Variants in PPP2R2D observed in about 807,000 individuals in gnomAD.
PPP2R2D encodes serine/threonine-protein phosphatase 2A 55 kDa regulatory subunit B delta isoform.
In PPP2R2D, 9 loss-of-function variants were observed where a neutral mutation model predicts 31.1. The ratio of observed to expected loss-of-function variants is 0.29; its 90% CI spans 0.17 to 0.51. The LOEUF (loss-of-function observed/expected upper bound fraction) is 0.51. Ranked by LOEUF, PPP2R2D falls within the 20% of genes least tolerant of loss-of-function variation. The pLI, the probability that PPP2R2D is intolerant of heterozygous loss-of-function variation, is 0.98. For missense variants in PPP2R2D, 391 were observed against 465.6 expected, an observed-to-expected ratio of 0.84 and a Z score of 1.48; for synonymous variants, 179 against 172.6, an observed-to-expected ratio of 1.04 and a Z score of -0.29.
At chr10:131,951,368 A>G (rs949630318) in intron 8 of PPP2R2D, among the ~76,000 whole-genome samples, 2 of 152,268 alleles carry the variant, frequency 1.3e-5, no homozygotes, top group Non-Finnish European at 2.9e-5. Context: ...GTTCTCTATC[A>G]TAACATATAC....
intron 8 of PPP2R2D, among the ~76,000 whole-genome samples, chr10:131,951,114 T>G (rs182277715): frequency 1.2e-4 from 18 of 152,286 alleles, no homozygotes; most frequent in Admixed American, 8.5e-4. Context: ...CTCATCCTTC[T>G]TAGTGATCAG....
chr10:131,907,004 C>T (rs894085189), intron 2 of PPP2R2D, among the ~76,000 whole-genome samples: 4 of 151,548 alleles, frequency 2.6e-5, no homozygotes, highest in East Asian at 3.9e-4. Context: ...TTAGGTGTGT[C>T]TTTTATATAT....
In PPP2R2D at chr10:131,907,413, C is replaced by A. The variant is rs934198603; in HGVS notation, c.100+6083C>A. The stretch of plus-strand genomic sequence containing the variant: ...TGACTTATGAGAGCTTCATAGGAAG[C>A]CTCTGCCTTTAGGAAGTCAGTTGTA... On this transcript the variant is annotated intron_variant, in intron 2 of 8. Coordinates refer to ENST00000455566, the MANE Select transcript of PPP2R2D (RefSeq NM_018461.5). 5.7e-4 allele frequency among the ~76,000 whole-genome samples: 87 copies of A among 152,288 alleles called. No individual in the cohort carries two copies. The East Asian group carries it at 0.016, about 27-fold the overall frequency.
chr10:131,909,668 G>A (rs1490670933), intron 2 of PPP2R2D, among the ~76,000 whole-genome samples: 1 of 152,200 alleles, frequency 6.6e-6, no homozygotes, highest in Non-Finnish European at 1.5e-5. Flanking sequence ...CGCCCAGGTT[G>A]TGGTTTGCTA....
chr10:131,959,587 AAC>A lies in PPP2R2D; in HGVS notation c.*3628_*3629del, dbSNP rs1235063674. ...TCCGTCATTACCCTGAATCAATGCT[AAC>A]ACAGTGCCACTTGAGTTCACATTAA... is the stretch of plus-strand genomic sequence containing the variant. On this transcript the variant is annotated 3_prime_UTR_variant, in exon 9 of 9. Coordinates refer to ENST00000455566, the MANE Select transcript of PPP2R2D (RefSeq NM_018461.5). 2.6e-5 allele frequency: 4 copies of A among 153,812 alleles called. No individual in the cohort carries two copies. The highest frequency in any genetic ancestry group is 7.2e-5 in the African/African-American group (3 of 41,580). The allele number at this position is 153,812 out of a possible 1,614,324, so 9.5% of individuals were successfully genotyped here.
chr10:131,954,069 G>A (rs1488289950), intron 8 of PPP2R2D, among the ~76,000 whole-genome samples: 3 of 152,128 alleles, frequency 2.0e-5, no homozygotes, highest in East Asian at 3.9e-4. Flanking sequence ...GTTCTAGGTC[G>A]CCCCACAGAA....
At position 131,927,124 on chromosome 10, in the gene PPP2R2D, C is replaced by T. The variant is rs2036122328; in HGVS notation, c.101-7334C>T. On this transcript the variant is annotated intron_variant, in intron 2 of 8. Transcript: ENST00000455566. ...GATTATGGCTGTTCTCTTTTGGGTT[C>T]TTCTGTTTTTCATGAAATAAGCAGA... is the stretch of plus-strand genomic sequence containing the variant. Among the ~76,000 whole-genome samples, 3 of 152,060 alleles carry T rather than the reference C, an allele frequency of 2.0e-5. No homozygotes were observed. In the East Asian group the frequency reaches 5.8e-4, roughly 29 times the overall value.
At position 131,934,535 on chromosome 10, in the gene PPP2R2D, A is replaced by G. The variant is rs773469374; in HGVS notation, c.178A>G (p.Ile60Val). ...ATGDKGGRVV[I>V]FQREQENKSR... is the part of the protein sequence containing the mutation. ...AGGAGACAAGGGCGGCAGAGTTGTT[A>G]TTTTTCAGCGTGAACAAGAGGTCAG... Residue 60 changes from isoleucine to valine, a missense_variant, in exon 3 of 9, where the codon ATT (isoleucine) becomes GTT (valine). Transcript: ENST00000455566. 1.7e-5 allele frequency: 13 copies of G among 779,848 alleles called. No homozygotes were observed. The highest frequency in any genetic ancestry group is 3.1e-5 in the Non-Finnish European group (13 of 417,788). 48.3% of individuals were successfully genotyped at this position (779,848 alleles called of 1,614,324 possible). A position where few individuals can be genotyped will look rare whatever the true frequency, so the allele number is the denominator to read the frequency against.
chr10:131,949,459 T>G (rs1358376998), intron 8 of PPP2R2D, among the ~76,000 whole-genome samples: 1 of 152,090 alleles, frequency 6.6e-6, no homozygotes, highest in Non-Finnish European at 1.5e-5. Context: ...CTCTCTGGAT[T>G]TCGTCACATT....
chr10:131,970,356 T>C, the PPP2R2D span: 11 of 489,356 alleles, frequency 2.2e-5, no homozygotes, highest in Non-Finnish European at 4.0e-5. The surrounding 1 kb of genome is among the most constrained non-coding windows in gnomAD (Gnocchi z 4.1). Flanking sequence ...GACAAAGAGG[T>C]CAGACCTAAG....
chr10:131,949,419 G>C (rs1554898529), intron 8 of PPP2R2D, among the ~76,000 whole-genome samples: 1 of 152,204 alleles, frequency 6.6e-6, no homozygotes, highest in African/African-American at 2.4e-5. Context: ...GAACACGCAT[G>C]CTGGGTAGCT....
In PPP2R2D at chr10:131,940,208, G is replaced by T. The variant is rs782566031; in HGVS notation, c.364+12G>T. ...ACTGTCTACAAATGGTAAGAATTGT[G>T]TTCTAAGTGGCTGTTTGATTTAGTT... is the stretch of plus-strand genomic sequence containing the variant. On this transcript the variant is annotated intron_variant, in intron 4 of 8. Transcript: ENST00000455566. 7 of 690,904 alleles carry T rather than the reference G, an allele frequency of 1.0e-5. No individual in the cohort carries two copies. Among genetic ancestry groups the T allele is most frequent in the Admixed American group, 6.9e-5 (3 of 43,686 alleles). 42.8% of individuals were successfully genotyped at this position (690,904 alleles called of 1,614,324 possible). A position where few individuals can be genotyped will look rare whatever the true frequency, so the allele number is the denominator to read the frequency against.
the PPP2R2D span, chr10:131,970,883 G>C: frequency 6.2e-7 from 1 of 1,614,190 alleles, no homozygotes; most frequent in Non-Finnish European, 8.5e-7. The surrounding 1 kb of genome is among the most constrained non-coding windows in gnomAD (Gnocchi z 4.1). Flanking sequence ...ATATTTTCCG[G>C]CCGACTTGAC....
chr10:131,960,224 C>T (rs977798695), downstream of PPP2R2D, among the ~76,000 whole-genome samples: 3 of 152,188 alleles, frequency 2.0e-5, no homozygotes, highest in Non-Finnish European at 4.4e-5. Context: ...GAAGACGTGC[C>T]CTCAACAGGT....
At position 131,956,243 on chromosome 10, in the gene PPP2R2D, G is replaced by T; in HGVS notation, c.*280G>T. On this transcript the variant is annotated 3_prime_UTR_variant, in exon 9 of 9. Coordinates refer to ENST00000455566, the MANE Select transcript of PPP2R2D (RefSeq NM_018461.5). ...ACTCAGAATAAATGTATTTATTTCAGTCCGAGCCTTCCTTTCCAATTTATA... is the reference window on the plus strand; with the variant it reads ...ACTCAGAATAAATGTATTTATTTCATTCCGAGCCTTCCTTTCCAATTTATA... The T allele has an allele frequency of 2.7e-6, 3 of 1,130,956 alleles. No individual in the cohort carries two copies. Among genetic ancestry groups the T allele is most frequent in the East Asian group, 4.5e-5 (1 of 22,238 alleles). 70.1% of individuals were successfully genotyped at this position (1,130,956 alleles called of 1,614,324 possible). A position where few individuals can be genotyped will look rare whatever the true frequency, so the allele number is the denominator to read the frequency against.
At chr10:131,966,683 T>G in the PPP2R2D span, 1 of 152,238 alleles carries the variant, frequency 6.6e-6, no homozygotes, top group Non-Finnish European at 1.5e-5. Context: ...ACCAAGTAGC[T>G]GGGGCTACAG....
chr10:131,903,314 G>A (rs941587196), intron 2 of PPP2R2D, among the ~76,000 whole-genome samples: 4 of 151,770 alleles, frequency 2.6e-5, no homozygotes, highest in African/African-American at 7.2e-5. Flanking sequence ...TAAAAATACA[G>A]AAGTTAGCCG....
chr10:131,966,481 TG>T, the PPP2R2D span: 2 of 152,208 alleles, frequency 1.3e-5, no homozygotes, highest in Non-Finnish European at 2.9e-5. Context: ...TTTAATAAAA[TG>T]TCTAATGTTA....
intron 2 of PPP2R2D, among the ~76,000 whole-genome samples, chr10:131,929,999 C>T (rs1269791707): frequency 6.6e-6 from 1 of 152,138 alleles, no homozygotes; most frequent in Admixed American, 6.5e-5. Flanking sequence ...CCGATGATTC[C>T]GCCTTTTACT....
Sources: allele counts gnomAD v4.1 joint callset (sites outside exome capture counted in the v4.1 genomes callset), GRCh38; gene constraint gnomAD v4.1.1; non-coding constraint Gnocchi (gnomAD v3.1); transcripts MANE v1.5; gene names NCBI Gene and HGNC (gene_info 2026-07-23, HGNC 2026-07-21).